Variants in SLC2A4 observed in about 807,000 individuals in gnomAD.
The protein encoded by SLC2A4 is solute carrier family 2, facilitated glucose transporter member 4.
Under a neutral mutation model 53.3 loss-of-function variants are expected in SLC2A4, and 31 were observed. That is an observed-to-expected ratio of 0.58 (90% confidence interval 0.44 to 0.78). The LOEUF is 0.78. Among genes scored for constraint, SLC2A4 ranks in the 30% least tolerant of loss-of-function variants. SLC2A4 has a pLI of 0.00. For missense variants in SLC2A4, 538 were observed against 655.7 expected (o/e 0.82, Z 1.96); for synonymous variants, 276 against 281.9 (o/e 0.98, Z 0.21).
rs1250499997 is a variant in SLC2A4, at chr17:7,282,603, C to T, written c.33+636C>T. 6.6e-6 allele frequency among the ~76,000 whole-genome samples: 1 copy of T among 152,238 alleles called. No homozygotes were observed. The highest frequency in any genetic ancestry group is 1.5e-5 in the Non-Finnish European group (1 of 68,040). ...CAGGCAGAACCCCTGGACGGCCCTC[C>T]CTGCACGGAGGTTAGAGGGGGAGGG... On this transcript the variant is annotated intron_variant, in intron 1 of 10. Transcript: ENST00000317370. The surrounding 1 kb of genome is among the most constrained non-coding windows in gnomAD (Gnocchi z 4.1).
At position 7,286,254 on chromosome 17, in the gene SLC2A4, C is replaced by G. The variant is rs907638274; in HGVS notation, c.1327-172C>G. On this transcript the variant is annotated intron_variant, in intron 10 of 10. Transcript: ENST00000317370. ...AAGAGTGTTTGGGGTTCAGAGAATC[C>G]TCTTTTCAGTGTAAATTCTCATTCC... 5 of 742,882 alleles carry G rather than the reference C, an allele frequency of 6.7e-6. No homozygotes were observed. In the African/African-American group the frequency reaches 8.6e-5, roughly 13 times the overall value. 46.0% of individuals were successfully genotyped at this position (742,882 alleles called of 1,614,324 possible).
chr17:7,284,862 G>T lies in SLC2A4; in HGVS notation c.943G>T (p.Glu315Ter). 1 of 1,614,126 alleles carries T rather than the reference G, an allele frequency of 6.2e-7. No homozygotes were observed. Among genetic ancestry groups the T allele is most frequent in the Non-Finnish European group, 8.5e-7 (1 of 1,180,008 alleles). ...TTTCTATTATTCGACCAGCATCTTC[G>T]AGACAGCAGGGGTAGGCCAGCCTGC... ...AVFYYSTSIF[E>*]TAGVGQPAYA... The change falls in exon 8 of 11, where the codon GAG (glutamate) becomes TAG (stop). Residue 315 changes from glutamate (E) to a stop codon, truncating the protein, a stop_gained. Transcript: ENST00000317370. LOFTEE classifies it high-confidence loss of function. The surrounding 1 kb of genome is among the most constrained non-coding windows in gnomAD (Gnocchi z 7.5).
In SLC2A4 at chr17:7,282,446, A is replaced by T. The variant is rs904473413; in HGVS notation, c.33+479A>T. 7 of 456,024 alleles carry T rather than the reference A, an allele frequency of 1.5e-5. No individual in the cohort carries two copies. The highest frequency in any genetic ancestry group is 1.8e-5 in the Non-Finnish European group (4 of 226,942). 28.2% of individuals were successfully genotyped at this position (456,024 alleles called of 1,614,324 possible). A position where few individuals can be genotyped will look rare whatever the true frequency, so the allele number is the denominator to read the frequency against. ...GGCCCCATGGTTGGTGGAGGGGCAG[A>T]GGGGACTGTCAGCCCCCCCTCCTCC... On this transcript the variant is annotated intron_variant, in intron 1 of 10. Coordinates refer to ENST00000317370, the MANE Select transcript of SLC2A4 (RefSeq NM_001042.3). The surrounding 1 kb of genome is among the most constrained non-coding windows in gnomAD (Gnocchi z 4.1).
Position 7,287,122 on chromosome 17 carries a change from T to C in SLC2A4, c.*493T>C, listed in dbSNP as rs975553799. The C allele has an allele frequency of 0.14, 18,663 of 132,590 alleles. 2,893 individuals are homozygous for C. Among genetic ancestry groups the C allele is most frequent in the South Asian group, 0.21 (862 of 4,164 alleles). 8.2% of individuals were successfully genotyped at this position (132,590 alleles called of 1,614,324 possible). A position where few individuals can be genotyped will look rare whatever the true frequency, so the allele number is the denominator to read the frequency against. Reference sequence around the variant, plus strand: ...CAGACTCTGGGCAAAGGGGTTTTTTTTTTTTTTTTTTTTTTTTTTTTTGAG... The same window carrying C: ...CAGACTCTGGGCAAAGGGGTTTTTTCTTTTTTTTTTTTTTTTTTTTTTGAG... On this transcript the variant is annotated 3_prime_UTR_variant, in exon 11 of 11. Transcript: ENST00000317370.
chr17:7,285,891 G>C lies in SLC2A4; in HGVS notation c.1309G>C (p.Gly437Arg). 6.2e-7 allele frequency: 1 copy of C among 1,613,716 alleles called. No homozygotes were observed. The highest frequency in any genetic ancestry group is 8.5e-7 in the Non-Finnish European group (1 of 1,179,656). ...NWTSNFIIGMGFQYVAEAMGP... is the reference protein window; with the variant it reads ...NWTSNFIIGMRFQYVAEAMGP... The stretch of plus-strand genomic sequence containing the variant: ...GACGAGCAACTTCATCATTGGCATG[G>C]GTTTCCAGTATGTTGCGGTAGGTCC... Residue 437 changes from glycine (G) to arginine (R), a missense_variant, in exon 10 of 11, where the codon GGT becomes CGT. Coordinates refer to ENST00000317370, the MANE Select transcript of SLC2A4 (RefSeq NM_001042.3). The surrounding 1 kb of genome is among the most constrained non-coding windows in gnomAD (Gnocchi z 6.0).
Position 7,283,628 on chromosome 17 carries a change from C to T in SLC2A4, c.306C>T (p.Ile102=). 1 of 1,614,028 alleles carries T rather than the reference C, an allele frequency of 6.2e-7. No individual in the cohort carries two copies. ...GMISSFLIGI[I]SQWLGRKRAM... ...TTTCCTCCTTCCTCATTGGTATCATCTCTCAGTGGCTTGGAAGGTTCGCAG... is the reference window on the plus strand; with the variant it reads ...TTTCCTCCTTCCTCATTGGTATCATTTCTCAGTGGCTTGGAAGGTTCGCAG... The change falls in exon 3 of 11, where the codon ATC becomes ATT. Residue 102 remains isoleucine, a synonymous_variant. Coordinates refer to ENST00000317370, the MANE Select transcript of SLC2A4 (RefSeq NM_001042.3). The surrounding 1 kb of genome is among the most constrained non-coding windows in gnomAD (Gnocchi z 5.8).
chr17:7,282,002 C>CCA lies in SLC2A4; in HGVS notation c.33+35_33+36insCA. ...ATCATGAGGGGGCGGGGCGGGGGGG[C>CCA]ACGGGTCCCGCTTTTCTTGGGCTGG... On this transcript the variant is annotated intron_variant, in intron 1 of 10. Transcript: ENST00000317370. This position sits in a 1 kb window ranked among gnomAD's most constrained non-coding sequence, Gnocchi z 4.1. The CCA allele has an allele frequency of 2.7e-6, 4 of 1,459,842 alleles. No homozygotes were observed. The highest frequency in any genetic ancestry group is 3.8e-6 in the Non-Finnish European group (4 of 1,047,738). The allele number at this position is 1,459,842 out of a possible 1,614,324, so 90.4% of individuals were successfully genotyped here. A position where few individuals can be genotyped will look rare whatever the true frequency, so the allele number is the denominator to read the frequency against.
In SLC2A4 at chr17:7,282,075, G is replaced by C; in HGVS notation, c.33+108G>C. On this transcript the variant is annotated intron_variant, in intron 1 of 10. Transcript: ENST00000317370. The surrounding 1 kb of genome is among the most constrained non-coding windows in gnomAD (Gnocchi z 4.1). ...GGGTGGTTCCTGCGCAGGCGCAGGG[G>C]GTGAAGGTAGGGGGCTGGCTATTTA... is the stretch of plus-strand genomic sequence containing the variant. 1.1e-6 allele frequency: 1 copy of C among 902,686 alleles called. No individual in the cohort carries two copies. Among genetic ancestry groups the C allele is most frequent in the Non-Finnish European group, 1.8e-6 (1 of 559,012 alleles). The allele number at this position is 902,686 out of a possible 1,614,324, so 55.9% of individuals were successfully genotyped here.
chr17:7,283,248 G>A lies in SLC2A4; in HGVS notation c.37G>A (p.Gly13Arg). Residue 13 changes from glycine (G) to arginine (R), a missense_variant, in exon 2 of 11, where the codon GGG becomes AGG. Gly to Arg is a moderately radical substitution (Grantham distance 125). Coordinates refer to ENST00000317370, the MANE Select transcript of SLC2A4 (RefSeq NM_001042.3). This position sits in a 1 kb window ranked among gnomAD's most constrained non-coding sequence, Gnocchi z 5.8. ...GTCTTTGTGTCTGCCTGTTCAGGAT[G>A]GGGAACCCCCTCAGCAGCGAGTGAC... ...SGFQQIGSED[G>R]EPPQQRVTGT... The A allele has an allele frequency of 6.2e-7, 1 of 1,613,082 alleles. No homozygotes were observed. Among genetic ancestry groups the A allele is most frequent in the East Asian group, 2.2e-5 (1 of 44,880 alleles).
rs767855559 is a variant in SLC2A4, at chr17:7,284,373, AG to A, written c.722del (p.Arg241LysfsTer4). 6.2e-7 allele frequency: 1 copy of A among 1,614,126 alleles called. No individual in the cohort carries two copies. Among genetic ancestry groups the A allele is most frequent in the African/African-American group, 1.3e-5 (1 of 75,064 alleles). Reference protein sequence around the residue: ...YIIQNLEGPARKSLKRLTGWA... With the variant: ...YIIQNLEGPAXKSLKRLTGWA... ...CATCCAGAATCTCGAGGGGCCTGCC[AG>A]AAAGAGTAAGCTCTCCCGCTGCAGC... On this transcript the variant is annotated frameshift_variant, in exon 6 of 11. Transcript: ENST00000317370. LOFTEE classifies it high-confidence loss of function. This position sits in a 1 kb window ranked among gnomAD's most constrained non-coding sequence, Gnocchi z 7.5.
chr17:7,283,870 C>T lies in SLC2A4; in HGVS notation c.448+8C>T, dbSNP rs371642967. On this transcript the variant is annotated splice_region_variant and intron_variant, in intron 4 of 10. Transcript: ENST00000317370. The surrounding 1 kb of genome is among the most constrained non-coding windows in gnomAD (Gnocchi z 5.8). ...TCATTGGCGCCTACTCAGGTACTCA[C>T]GGGCACCACAGCCCTGCCTAGCGCC... The T allele has an allele frequency of 1.4e-5, 23 of 1,614,054 alleles. No individual in the cohort carries two copies. The highest frequency in any genetic ancestry group is 1.1e-4 in the East Asian group (5 of 44,900).
rs773966408 is a variant in SLC2A4, at chr17:7,283,223, G to A, written c.34-22G>A. 1.0e-5 allele frequency: 16 copies of A among 1,588,308 alleles called. No individual in the cohort carries two copies. In the South Asian group the frequency reaches 1.2e-4, roughly 12 times the overall value. ...ATCATGGTTCCATGTGACATGCTGT[G>A]TCTTTGTGTCTGCCTGTTCAGGATG... On this transcript the variant is annotated intron_variant, in intron 1 of 10. Coordinates refer to ENST00000317370, the MANE Select transcript of SLC2A4 (RefSeq NM_001042.3). This position sits in a 1 kb window ranked among gnomAD's most constrained non-coding sequence, Gnocchi z 5.8.
In SLC2A4 at chr17:7,282,140, C is replaced by T. The variant is rs1025118693; in HGVS notation, c.33+173C>T. The stretch of plus-strand genomic sequence containing the variant: ...AACCCGTGACTGTGAGATTCCAATC[C>T]TACCAAAAGGCAGAGTGGGTCTGGA... On this transcript the variant is annotated intron_variant, in intron 1 of 10. Coordinates refer to ENST00000317370, the MANE Select transcript of SLC2A4 (RefSeq NM_001042.3). The surrounding 1 kb of genome is among the most constrained non-coding windows in gnomAD (Gnocchi z 4.1). 1.5e-6 allele frequency: 1 copy of T among 666,342 alleles called. No homozygotes were observed. The highest frequency in any genetic ancestry group is 1.8e-5 in the African/African-American group (1 of 56,304). 41.3% of individuals were successfully genotyped at this position (666,342 alleles called of 1,614,324 possible).
rs551271235 is a variant in SLC2A4 at position 7,286,722 on chromosome 17, T to G, written c.*93T>G. The G allele has an allele frequency of 2.0e-5, 23 of 1,179,304 alleles. No homozygotes were observed. The highest frequency in any genetic ancestry group is 1.2e-4 in the Admixed American group (7 of 58,098). 73.1% of individuals were successfully genotyped at this position (1,179,304 alleles called of 1,614,324 possible). A position where few individuals can be genotyped will look rare whatever the true frequency, so the allele number is the denominator to read the frequency against. On this transcript the variant is annotated 3_prime_UTR_variant, in exon 11 of 11. Transcript: ENST00000317370. ...AGCACTTTAACCCTCTCTTCCCTAT[T>G]ATTTCCGGGTGGAAAAGAATCCCTG... is the stretch of plus-strand genomic sequence containing the variant.
At chr17:7,286,051 A>C in intron 10 of SLC2A4, 143 bp downstream of exon 10, 1 of 736,370 alleles carries the variant, frequency 1.4e-6, no homozygotes, top group Non-Finnish European at 2.2e-6. Context: ...TGCTCCACAG[A>C]ATCAAAGCAA....
At position 7,283,164 on chromosome 17, in the gene SLC2A4, CA is replaced by C; in HGVS notation, c.34-80del. 1 of 1,121,064 alleles carries C rather than the reference CA, an allele frequency of 8.9e-7. No homozygotes were observed. The highest frequency in any genetic ancestry group is 1.4e-6 in the Non-Finnish European group (1 of 731,468). 69.4% of individuals were successfully genotyped at this position (1,121,064 alleles called of 1,614,324 possible). On this transcript the variant is annotated intron_variant, in intron 1 of 10. Transcript: ENST00000317370. The surrounding 1 kb of genome is among the most constrained non-coding windows in gnomAD (Gnocchi z 5.8). ...GGTGGAGCCCAGTATCTTCAGGCTC[CA>C]GCTGGGCCCGGGCCCCTAGCGGAAG...
chr17:7,285,645 G>A lies in SLC2A4; in HGVS notation c.1123-60G>A, dbSNP rs976558506. On this transcript the variant is annotated intron_variant, in intron 9 of 10. Coordinates refer to ENST00000317370, the MANE Select transcript of SLC2A4 (RefSeq NM_001042.3). The surrounding 1 kb of genome is among the most constrained non-coding windows in gnomAD (Gnocchi z 6.0). ...TTAGGTTTCACTTCTCTGAGTTGAG[G>A]GCAAGGGAAGATCAGAAAGGCCTCA... The A allele has an allele frequency of 7.1e-6, 11 of 1,541,236 alleles. No homozygotes were observed. The highest frequency in any genetic ancestry group is 2.2e-5 in the East Asian group (1 of 44,518).
rs748046529 is a variant in SLC2A4, at chr17:7,284,084, G to A, written c.559G>A (p.Ala187Thr). Residue 187 changes from alanine to threonine, a missense_variant, in exon 5 of 11, where the codon GCC becomes ACC. Coordinates refer to ENST00000317370, the MANE Select transcript of SLC2A4 (RefSeq NM_001042.3). The surrounding 1 kb of genome is among the most constrained non-coding windows in gnomAD (Gnocchi z 7.5). ...GGCCATTGTTATCGGCATTCTGATCGCCCAGGTGACCGGAGCAAGCCTCAT... is the reference window on the plus strand; with the variant it reads ...GGCCATTGTTATCGGCATTCTGATCACCCAGGTGACCGGAGCAAGCCTCAT... Reference protein sequence around the residue: ...QLAIVIGILIAQVLGLESLLG... With the variant: ...QLAIVIGILITQVLGLESLLG... 6.8e-6 allele frequency: 11 copies of A among 1,613,352 alleles called. No individual in the cohort carries two copies. The highest frequency in any genetic ancestry group is 3.3e-5 in the Admixed American group (2 of 59,924).
In SLC2A4 at chr17:7,285,630, C is replaced by G; in HGVS notation, c.1123-75C>G. 6.8e-7 allele frequency: 1 copy of G among 1,472,368 alleles called. No individual in the cohort carries two copies. Among genetic ancestry groups the G allele is most frequent in the East Asian group, 2.3e-5 (1 of 44,102 alleles). 91.2% of individuals were successfully genotyped at this position (1,472,368 alleles called of 1,614,324 possible). ...CTGCTGCGGAGGGGGTTAGGTTTCA[C>G]TTCTCTGAGTTGAGGGCAAGGGAAG... is the stretch of plus-strand genomic sequence containing the variant. On this transcript the variant is annotated intron_variant, in intron 9 of 10. Transcript: ENST00000317370. This position sits in a 1 kb window ranked among gnomAD's most constrained non-coding sequence, Gnocchi z 6.0.
Sources: gnomAD v4.1 joint callset for allele counts (sites outside exome capture counted in the v4.1 genomes callset) on GRCh38, gnomAD v4.1.1 for gene constraint, Gnocchi (gnomAD v3.1) non-coding constraint, MANE v1.5 for transcripts, NCBI Gene and HGNC (gene_info 2026-07-23, HGNC 2026-07-21) for gene names.